NUP107: variants seen among roughly 807,000 people sequenced by gnomAD.
NUP107 encodes nuclear pore complex protein Nup107.
NUP107 carries 101 observed loss-of-function variants against 141.0 expected under a neutral mutation model. That is an observed-to-expected ratio of 0.72 (90% CI 0.61 to 0.84). NUP107 has a LOEUF of 0.84. NUP107 is among the 40% of genes least tolerant of loss of function. The pLI is 0.00. For synonymous variants in NUP107, 319 were observed against 363.9 expected, an observed-to-expected ratio of 0.88 and a Z score of 1.41; for missense variants, 941 against 1,102.7, an observed-to-expected ratio of 0.85 and a Z score of 2.08.
At chr12:68,730,097 T>C (rs895103518) in intron 20 of NUP107, among the ~76,000 whole-genome samples, 4 of 151,514 alleles carry the variant, frequency 2.6e-5, no homozygotes, top group Non-Finnish European at 4.4e-5. Flanking sequence ...AAGTAGCTGG[T>C]ACTATAGACA....
At chr12:68,694,432 A>T (rs1250713432) in intron 5 of NUP107, among the ~76,000 whole-genome samples, 2 of 152,252 alleles carry the variant, frequency 1.3e-5, no homozygotes, top group Non-Finnish European at 2.9e-5. Context: ...CTACATCAAA[A>T]TTTTAAACTT....
At chr12:68,731,282 G>T (rs775717509) in intron 21 of NUP107, 22 bp downstream of exon 21, 19 of 1,584,256 alleles carry the variant, frequency 1.2e-5, no homozygotes, top group Non-Finnish European at 1.5e-5. Context: ...TGAAAACTTT[G>T]TCTTTTGGCC....
In NUP107 at chr12:68,741,973, T is replaced by C; in HGVS notation, c.2663T>C (p.Leu888Pro). The C allele has an allele frequency of 6.2e-7, 1 of 1,602,618 alleles. No homozygotes were observed. Among genetic ancestry groups the C allele is most frequent in the South Asian group, 1.1e-5 (1 of 89,692 alleles). The change falls in exon 27 of 28, where the codon CTG becomes CCG. Residue 888 changes from leucine to proline, a missense_variant. Leu to Pro is a moderately conservative substitution (Grantham distance 98). Transcript: ENST00000229179. ...ADMVSSERHK[L>P]YLVFSKEELR... ...ATGGTATCCTCTGAGCGCCACAAAC[T>C]GTACCTGGTAAGTTCTAGAGCCTTG...
chr12:68,728,636 G>T (rs1249196116), intron 20 of NUP107, among the ~76,000 whole-genome samples: 1 of 150,494 alleles, frequency 6.6e-6, no homozygotes, highest in South Asian at 2.1e-4. Flanking sequence ...GATCTTTAAC[G>T]CCTGACCTCA....
chr12:68,718,138 C>G (rs1877191062), intron 12 of NUP107, among the ~76,000 whole-genome samples: 1 of 152,124 alleles, frequency 6.6e-6, no homozygotes, highest in Non-Finnish European at 1.5e-5. Context: ...GCCTTCATTC[C>G]CAGAAAGCTA....
At chr12:68,724,878 C>A (rs1877495585) in intron 17 of NUP107, among the ~76,000 whole-genome samples, 1 of 151,996 alleles carries the variant, frequency 6.6e-6, no homozygotes, top group Non-Finnish European at 1.5e-5. Context: ...TATGAAGATA[C>A]AACAAAACAG....
intron 2 of NUP107, 152 bp from the exon 3 acceptor site, chr12:68,689,381 G>C (rs937656926): frequency 2.3e-5 from 13 of 566,294 alleles, no homozygotes; most frequent in Non-Finnish European, 3.4e-5. Context: ...CAGAAGCAAT[G>C]AATTATTTAC....
chr12:68,707,091 C>T, intron 8 of NUP107: 1 of 567,646 alleles, frequency 1.8e-6, no homozygotes, highest in Non-Finnish European at 3.1e-6. Context: ...ACAGCCCCTT[C>T]TAGCCTACCC....
At chr12:68,703,152 T>G (rs1876417359) in intron 8 of NUP107, among the ~76,000 whole-genome samples, 1 of 152,156 alleles carries the variant, frequency 6.6e-6, no homozygotes, top group Admixed American at 6.5e-5. Context: ...AGCCAGGATT[T>G]TATTTTCAGC....
chr12:68,704,409 C>G (rs909292934), intron 8 of NUP107, among the ~76,000 whole-genome samples: 2 of 151,832 alleles, frequency 1.3e-5, no homozygotes, highest in African/African-American at 4.8e-5. Flanking sequence ...AGATCAGATG[C>G]CTTTTTGGGG....
rs1384551697 is a variant in NUP107, at chr12:68,698,640, A to G, written c.552+1718A>G. Among the ~76,000 whole-genome samples the G allele has an allele frequency of 2.6e-5, 4 of 152,368 alleles. 1 individual carries two copies. Among genetic ancestry groups the G allele is most frequent in the Admixed American group, 2.0e-4 (3 of 15,298 alleles). On this transcript the variant is annotated intron_variant, in intron 6 of 27. Transcript: ENST00000229179. ...ACTGGCTATCAAGCCATGAAAAAAC[A>G]TGGAGGAACCTTAAATGCATATTGC... is the stretch of plus-strand genomic sequence containing the variant.
rs1198948109 is a variant in NUP107 at position 68,733,462 on chromosome 12, G to A, written c.2112G>A (p.Lys704=). 6.2e-7 allele frequency: 1 copy of A among 1,609,420 alleles called. No homozygotes were observed. The highest frequency in any genetic ancestry group is 8.5e-7 in the Non-Finnish European group (1 of 1,177,912). Residue 704 remains lysine, a synonymous_variant, in exon 24 of 28, where the codon AAG becomes AAA. Coordinates refer to ENST00000229179, the MANE Select transcript of NUP107 (RefSeq NM_020401.4). ...AIMRKFLASK[K]HEAAKEVFVK... ...TATCTTTTTTCACAGCATCAAAAAA[G>A]CACGAAGCTGCAAAAGAAGTATTTG...
intron 24 of NUP107, 94 bp from the exon 25 acceptor site, chr12:68,734,614 A>T: frequency 1.0e-6 from 1 of 996,052 alleles, no homozygotes; most frequent in African/African-American, 1.6e-5. Context: ...CTGCAAAATT[A>T]TTTCTAAGAA....
intron 10 of NUP107, among the ~76,000 whole-genome samples, chr12:68,710,604 G>A (rs1290236248): frequency 2.8e-5 from 4 of 144,522 alleles, no homozygotes; most frequent in Non-Finnish European, 6.0e-5. Flanking sequence ...GCAGTGAGCC[G>A]AGTTCATGCC....
At chr12:68,736,337 G>C (rs1346321050) in intron 26 of NUP107, among the ~76,000 whole-genome samples, 2 of 152,036 alleles carry the variant, frequency 1.3e-5, no homozygotes, top group Non-Finnish European at 2.9e-5. Flanking sequence ...AAGAATACAG[G>C]CAGGACAGCG....
intron 7 of NUP107, among the ~76,000 whole-genome samples, chr12:68,702,369 C>G (rs906779741): frequency 6.6e-6 from 1 of 152,124 alleles, no homozygotes; most frequent in Non-Finnish European, 1.5e-5. Flanking sequence ...AGGTGATCCA[C>G]CCACCTCAGC....
chr12:68,706,571 C>A (rs1876591494), intron 8 of NUP107: 1 of 678,248 alleles, frequency 1.5e-6, no homozygotes, highest in Non-Finnish European at 2.7e-6. Flanking sequence ...ACAGGAACAT[C>A]AGTCGGCTCC....
chr12:68,736,783 C>T (rs1327118446), intron 26 of NUP107, among the ~76,000 whole-genome samples: 5 of 142,882 alleles, frequency 3.5e-5, no homozygotes, highest in African/African-American at 1.3e-4. Context: ...AGTGCAATGG[C>T]ACAATCTTGG....
At chr12:68,733,700 A>G (rs536526859) in intron 24 of NUP107, 88 bp downstream of exon 24, 2 of 1,357,102 alleles carry the variant, frequency 1.5e-6, no homozygotes, top group Non-Finnish European at 2.0e-6. Flanking sequence ...TTCTAGAAGT[A>G]GTGTTGGTTC....
Sources: allele counts gnomAD v4.1 joint callset (sites outside exome capture counted in the v4.1 genomes callset), GRCh38; gene constraint gnomAD v4.1.1; transcripts MANE v1.5; gene names NCBI Gene and HGNC (gene_info 2026-07-23, HGNC 2026-07-21).